Variants in TDRP observed in about 807,000 individuals in gnomAD.
TDRP encodes the protein testis development related protein.
TDRP carries 12 observed loss-of-function variants against 10.5 expected under a neutral mutation model. The observed-to-expected ratio is 1.15, with a 90% CI of 0.73 to 1.86. The LOEUF is 1.86. TDRP is among the 40% of genes most tolerant of loss of function. The probability of loss-of-function intolerance (pLI) is 0.00; values close to 1 mark genes in which losing one functional copy is unlikely to be tolerated. For missense variants in TDRP, 353 were observed against 229.2 expected (o/e 1.54, Z -3.49); for synonymous variants, 139 against 95.4 (o/e 1.46, Z -2.67).
intron 1 of TDRP, among the ~76,000 whole-genome samples, chr8:521,789 G>A (rs1246061010): frequency 1.3e-5 from 2 of 152,072 alleles, no homozygotes; most frequent in African/African-American, 4.8e-5. Flanking sequence ...ATGCCAATGA[G>A]ATTTGCATTG....
At chr8:542,212 C>T (rs1011149976) in intron 1 of TDRP, among the ~76,000 whole-genome samples, 1 of 152,096 alleles carries the variant, frequency 6.6e-6, no homozygotes, top group Non-Finnish European at 1.5e-5. Flanking sequence ...AAAACTATGG[C>T]GACAGTACAA....
intron 1 of TDRP, among the ~76,000 whole-genome samples, chr8:505,871 C>G (rs935311621): frequency 6.6e-6 from 1 of 152,202 alleles, no homozygotes; most frequent in African/African-American, 2.4e-5. Flanking sequence ...TAGGCAGACA[C>G]ACAAACCCTC....
At chr8:539,021 T>C (rs1802420694) in intron 1 of TDRP, among the ~76,000 whole-genome samples, 1 of 152,170 alleles carries the variant, frequency 6.6e-6, no homozygotes, top group African/African-American at 2.4e-5. Flanking sequence ...CCTGCAGGCC[T>C]ATAATAGAAA....
In TDRP at chr8:544,715, G is replaced by C; in HGVS notation, c.43C>G (p.Pro15Ala). ...GRGRVLLDEP[P>A]EEEDGLRGGP... ...CCACGCAGGCCGTCCTCCTCCTCGGGGGGCTCGTCCAGCAGCACTCGGCCC... is the reference window on the plus strand; with the variant it reads ...CCACGCAGGCCGTCCTCCTCCTCGGCGGGCTCGTCCAGCAGCACTCGGCCC... The change falls in exon 1 of 3, where the codon CCC becomes GCC. Residue 15 changes from proline (P) to alanine (A), a missense_variant. By Grantham distance (27) the Pro-to-Ala change is conservative. Transcript: ENST00000324079. The C allele has an allele frequency of 2.4e-6, 3 of 1,245,834 alleles. No individual in the cohort carries two copies. Among genetic ancestry groups the C allele is most frequent in the Non-Finnish European group, 3.0e-6 (3 of 995,244 alleles). The allele number at this position is 1,245,834 out of a possible 1,614,324, so 77.2% of individuals were successfully genotyped here.
chr8:539,952 A>C (rs1802449587), intron 1 of TDRP, among the ~76,000 whole-genome samples: 1 of 152,228 alleles, frequency 6.6e-6, no homozygotes, highest in Admixed American at 6.5e-5. Context: ...GAATATGTCT[A>C]AGCTTTTTAA....
At chr8:497,466 T>C (rs1801167617) in intron 1 of TDRP, among the ~76,000 whole-genome samples, 1 of 152,194 alleles carries the variant, frequency 6.6e-6, no homozygotes, top group African/African-American at 2.4e-5. Flanking sequence ...GGGTTCAACA[T>C]GTGGCCTGGG....
chr8:491,384 CT>C lies in TDRP; in HGVS notation c.*1014del. The stretch of plus-strand genomic sequence containing the variant: ...CCTTCCAGGGACGCATAACTGGCAC[CT>C]GATACTGTGCAGGATCACATTGTCA... On this transcript the variant is annotated 3_prime_UTR_variant, in exon 3 of 3. Transcript: ENST00000324079. 2.6e-6 allele frequency: 1 copy of C among 389,788 alleles called. No individual in the cohort carries two copies. The highest frequency in any genetic ancestry group is 3.7e-5 in the East Asian group (1 of 26,868). 24.1% of individuals were successfully genotyped at this position (389,788 alleles called of 1,614,324 possible).
At chr8:530,180 G>A (rs1008253550) in intron 1 of TDRP, among the ~76,000 whole-genome samples, 4 of 151,280 alleles carry the variant, frequency 2.6e-5, no homozygotes, top group Non-Finnish European at 4.4e-5. Flanking sequence ...CTCAGATGCA[G>A]AATTTGTATG....
At chr8:528,805 CTA>C (rs1006622096) in intron 1 of TDRP, among the ~76,000 whole-genome samples, 17 of 151,752 alleles carry the variant, frequency 1.1e-4, no homozygotes, top group African/African-American at 3.9e-4. Flanking sequence ...TTATATATAA[CTA>C]TGTGTGTGTG....
chr8:531,385 T>C (rs938484789), intron 1 of TDRP, among the ~76,000 whole-genome samples: 11 of 152,168 alleles, frequency 7.2e-5, no homozygotes, highest in Admixed American at 1.3e-4. Flanking sequence ...AAGAGACTTA[T>C]GGTGAATTGG....
At chr8:543,893 G>C (rs1802565021) in intron 1 of TDRP, among the ~76,000 whole-genome samples, 1 of 123,660 alleles carries the variant, frequency 8.1e-6, no homozygotes, top group Non-Finnish European at 1.6e-5. Context: ...AAATTTCATT[G>C]TACATGAAAA....
At chr8:529,800 C>A (rs993289729) in intron 1 of TDRP, among the ~76,000 whole-genome samples, 1 of 152,148 alleles carries the variant, frequency 6.6e-6, no homozygotes, top group Non-Finnish European at 1.5e-5. Context: ...TTTCAAAATT[C>A]TCTACCACTG....
chr8:519,992 G>T (rs1279969593), intron 1 of TDRP, among the ~76,000 whole-genome samples: 1 of 152,200 alleles, frequency 6.6e-6, no homozygotes, highest in Admixed American at 6.5e-5. Context: ...ATGCGTGTAA[G>T]GCACAGAATG....
chr8:527,048 A>T (rs1260091205), intron 1 of TDRP, among the ~76,000 whole-genome samples: 2 of 152,202 alleles, frequency 1.3e-5, no homozygotes, highest in African/African-American at 4.8e-5. Flanking sequence ...TGAGGCCCAG[A>T]GTTAGAGAGA....
chr8:534,400 T>C (rs1357223805), intron 1 of TDRP, among the ~76,000 whole-genome samples: 2 of 152,202 alleles, frequency 1.3e-5, no homozygotes, highest in African/African-American at 2.4e-5. Context: ...TTGTTTTACA[T>C]GTATTTGTTT....
intron 1 of TDRP, among the ~76,000 whole-genome samples, chr8:531,049 A>C (rs1177598622): frequency 2.0e-5 from 3 of 151,814 alleles, no homozygotes; most frequent in African/African-American, 7.3e-5. Flanking sequence ...CCATCAGGTG[A>C]CCCCCCAAAA....
chr8:521,562 T>C (rs947824287), intron 1 of TDRP, among the ~76,000 whole-genome samples: 2 of 152,250 alleles, frequency 1.3e-5, no homozygotes, highest in African/African-American at 4.8e-5. Flanking sequence ...TGAGGGCTTA[T>C]TTCTCTCTAC....
At chr8:505,453 C>A (rs1205804354) in intron 1 of TDRP, among the ~76,000 whole-genome samples, 9 of 152,184 alleles carry the variant, frequency 5.9e-5, no homozygotes, top group Non-Finnish European at 1.2e-4. Flanking sequence ...CTAGAACAAG[C>A]AATCCCAATG....
chr8:507,874 C>T (rs1264688810), intron 1 of TDRP, among the ~76,000 whole-genome samples: 2 of 152,004 alleles, frequency 1.3e-5, no homozygotes, highest in Non-Finnish European at 2.9e-5. Context: ...CACAAGTTTA[C>T]CTATATAACA....
Sources: gnomAD v4.1 joint callset for allele counts (sites outside exome capture counted in the v4.1 genomes callset) on GRCh38, gnomAD v4.1.1 for gene constraint, MANE v1.5 for transcripts, NCBI Gene and HGNC (gene_info 2026-07-23, HGNC 2026-07-21) for gene names.